The following PTPRD variants were observed in gnomAD, a reference collection of about 807,000 sequenced individuals.
PTPRD encodes protein tyrosine phosphatase receptor type D.
PTPRD carries 34 observed loss-of-function variants against 214.5 expected under a neutral mutation model. The observed-to-expected ratio is 0.16, with a 90% CI of 0.12 to 0.21. PTPRD has a LOEUF of 0.21. PTPRD is among the 10% of genes least tolerant of loss of function. PTPRD has a pLI of 1.00. For missense variants in PTPRD, 2,545 were observed against 2,398.7 expected (o/e 1.06, Z -1.27); for synonymous variants, 1,128 against 845.7 (o/e 1.33, Z -5.79).
intron 11 of PTPRD, among the ~76,000 whole-genome samples, chr9:8,782,023 A>C (rs1435619941): frequency 2.0e-5 from 3 of 151,302 alleles, no homozygotes; most frequent in Non-Finnish European, 3.0e-5. Context: ...TATTATGCAT[A>C]TTATGTATGT....
chr9:9,131,658 CTTAA>C lies in PTPRD; in HGVS notation c.-143+51642_-143+51645del, dbSNP rs567636913. ...GTATGGAAAAGCATGTAATGCTATT[CTTAA>C]TTAATTGAAATATCAGTATATGCCC... On this transcript the variant is annotated intron_variant, in intron 10 of 45. Transcript: ENST00000381196. 5.4e-3 allele frequency among the ~76,000 whole-genome samples: 818 copies of C among 152,214 alleles called. 10 individuals are homozygous for C. The highest frequency in any genetic ancestry group is 5.0e-3 in the Non-Finnish European group (340 of 68,006).
At chr9:9,503,884 C>T (rs762750204) in intron 8 of PTPRD, among the ~76,000 whole-genome samples, 1 of 151,736 alleles carries the variant, frequency 6.6e-6, no homozygotes, top group African/African-American at 2.4e-5. Context: ...AAAAAAAATA[C>T]TTCTGAGAGG....
chr9:9,597,700 T>C (rs911288154), intron 7 of PTPRD, among the ~76,000 whole-genome samples: 1 of 151,848 alleles, frequency 6.6e-6, no homozygotes, highest in African/African-American at 2.4e-5. Flanking sequence ...ATGTAATTGA[T>C]GGAGAAAAAG....
chr9:9,194,340 A>G (rs1400855492), intron 9 of PTPRD, among the ~76,000 whole-genome samples: 1 of 152,210 alleles, frequency 6.6e-6, no homozygotes, highest in Admixed American at 6.5e-5. Context: ...AGTATAGCAT[A>G]GTTAATACAT....
intron 5 of PTPRD, among the ~76,000 whole-genome samples, chr9:9,880,882 TG>T (rs1163845502): frequency 2.6e-5 from 4 of 152,182 alleles, no homozygotes; most frequent in Admixed American, 1.3e-4. Flanking sequence ...AACTGACTTT[TG>T]GTTGTTTTAT....
intron 11 of PTPRD, among the ~76,000 whole-genome samples, chr9:8,992,032 G>A (rs1195451688): frequency 6.6e-6 from 1 of 152,066 alleles, no homozygotes; most frequent in African/African-American, 2.4e-5. Flanking sequence ...GAAGGATGGT[G>A]AATTTATAGC....
intron 8 of PTPRD, among the ~76,000 whole-genome samples, chr9:9,429,323 C>T (rs973511604): frequency 6.6e-6 from 1 of 152,166 alleles, no homozygotes; most frequent in Non-Finnish European, 1.5e-5. Context: ...AATTCCTGGA[C>T]ACATACACCC....
Position 8,349,391 on chromosome 9 carries a change from T to G in PTPRD, c.4662-7413A>C, listed in dbSNP as rs1454071378. Among the ~76,000 whole-genome samples the G allele has an allele frequency of 3.3e-5, 5 of 152,190 alleles. No individual in the cohort carries two copies. In the East Asian group the frequency reaches 9.6e-4, roughly 29 times the overall value. On this transcript the variant is annotated intron_variant, in intron 39 of 45. Coordinates refer to ENST00000381196, the MANE Select transcript of PTPRD (RefSeq NM_002839.4). Reference sequence around the variant, plus strand: ...TTTCCTTCTCCAATTTACTCTTTTTTTGTTCACCCATCAGTATCTGAGTGC... The same window carrying G: ...TTTCCTTCTCCAATTTACTCTTTTTGTGTTCACCCATCAGTATCTGAGTGC...
chr9:10,009,033 G>T (rs2096545064), intron 4 of PTPRD, among the ~76,000 whole-genome samples: 1 of 151,420 alleles, frequency 6.6e-6, no homozygotes. Flanking sequence ...CTCTAATAAT[G>T]AAGCATGGAA....
intron 3 of PTPRD, among the ~76,000 whole-genome samples, chr9:10,254,190 G>T: frequency 6.6e-6 from 1 of 152,128 alleles, no homozygotes; most frequent in Non-Finnish European, 1.5e-5. Flanking sequence ...TCATTTATAA[G>T]TGGATATTTA....
At chr9:9,226,011 T>G (rs2133600771) in intron 9 of PTPRD, among the ~76,000 whole-genome samples, 1 of 152,162 alleles carries the variant, frequency 6.6e-6, no homozygotes, top group South Asian at 2.1e-4. Flanking sequence ...TTCCCTCTTC[T>G]GGAATTCTAG....
At chr9:9,451,736 A>G (rs1321745398) in intron 8 of PTPRD, among the ~76,000 whole-genome samples, 1 of 151,704 alleles carries the variant, frequency 6.6e-6, no homozygotes, top group Non-Finnish European at 1.5e-5. Flanking sequence ...AAAGCATTAA[A>G]TTAATAAAGT....
At chr9:10,563,485 T>C (rs940858137) in intron 2 of PTPRD, among the ~76,000 whole-genome samples, 26 of 152,308 alleles carry the variant, frequency 1.7e-4, no homozygotes, top group African/African-American at 5.8e-4. Context: ...GAAACCAGTG[T>C]TTCCCTCTTA....
chr9:8,737,911 C>T (rs1184470722), intron 11 of PTPRD, among the ~76,000 whole-genome samples: 2 of 151,184 alleles, frequency 1.3e-5, no homozygotes, highest in Admixed American at 6.6e-5. Context: ...GGCCTCCCAA[C>T]GTGCTGGGAT....
rs182970405 is a variant in PTPRD, at chr9:8,839,475, C to A, written c.-103-105529G>T. On this transcript the variant is annotated intron_variant, in intron 11 of 45. Coordinates refer to ENST00000381196, the MANE Select transcript of PTPRD (RefSeq NM_002839.4). Reference sequence around the variant, plus strand: ...GAACAGCTGGGACTACAGGCGGGCACCACCATCCCTGGCTAATTTTTGTAT... The same window carrying A: ...GAACAGCTGGGACTACAGGCGGGCAACACCATCCCTGGCTAATTTTTGTAT... 1.6e-3 allele frequency among the ~76,000 whole-genome samples: 238 copies of A among 152,250 alleles called. 1 individual carries two copies. Among genetic ancestry groups the A allele is most frequent in the Non-Finnish European group, 2.8e-3 (189 of 68,032 alleles).
chr9:9,916,899 A>G (rs2080997439), intron 5 of PTPRD, among the ~76,000 whole-genome samples: 1 of 151,936 alleles, frequency 6.6e-6, no homozygotes, highest in Non-Finnish European at 1.5e-5. Flanking sequence ...GAATAAAATG[A>G]TAACAAGAGG....
In PTPRD at chr9:8,508,552, T is replaced by C. The variant is rs7855800; in HGVS notation, c.1544-1118A>G. Reference sequence around the variant, plus strand: ...ACATATGTTCATATTCCCTCAAGTTTAAATAAGAATTCCATTTATATTTAA... The same window carrying C: ...ACATATGTTCATATTCCCTCAAGTTCAAATAAGAATTCCATTTATATTTAA... On this transcript the variant is annotated intron_variant, in intron 21 of 45. Transcript: ENST00000381196. 2.6e-3 allele frequency among the ~76,000 whole-genome samples: 393 copies of C among 151,680 alleles called. 3 individuals are homozygous for C. The highest frequency in any genetic ancestry group is 8.8e-3 in the African/African-American group (364 of 41,234).
intron 2 of PTPRD, among the ~76,000 whole-genome samples, chr9:10,554,297 A>T (rs751847252): frequency 6.6e-6 from 1 of 152,196 alleles, no homozygotes; most frequent in Non-Finnish European, 1.5e-5. Context: ...CAATAATCTC[A>T]TGGACCTTTA....
At chr9:8,621,610 T>A (rs2154301092) in intron 14 of PTPRD, among the ~76,000 whole-genome samples, 1 of 151,796 alleles carries the variant, frequency 6.6e-6, no homozygotes, top group African/African-American at 2.4e-5. Flanking sequence ...TGATGATTTA[T>A]CTGTTTGTAA....
Sources: allele counts gnomAD v4.1 joint callset (sites outside exome capture counted in the v4.1 genomes callset), GRCh38; gene constraint gnomAD v4.1.1; transcripts MANE v1.5; gene names NCBI Gene and HGNC (gene_info 2026-07-23, HGNC 2026-07-21).